PTPRM: variants seen among roughly 807,000 people sequenced by gnomAD.
PTPRM encodes the protein protein tyrosine phosphatase receptor type M, also known as receptor-type tyrosine-protein phosphatase mu.
A neutral mutation model predicts 186.7 loss-of-function variants in PTPRM; 47 were observed. The ratio of observed to expected loss-of-function variants is 0.25; its 90% confidence interval spans 0.20 to 0.32. The LOEUF (loss-of-function observed/expected upper bound fraction) is 0.32. Among genes scored for constraint, PTPRM ranks in the 10% least tolerant of loss-of-function variants. The pLI is 1.00. For missense variants in PTPRM, 1,494 were observed against 1,865.0 expected, an observed-to-expected ratio of 0.80 and a Z score of 3.66; for synonymous variants, 668 against 674.9, an observed-to-expected ratio of 0.99 and a Z score of 0.16.
At chr18:7,626,257 C>T (rs950717876) in intron 1 of PTPRM, among the ~76,000 whole-genome samples, 8 of 152,164 alleles carry the variant, frequency 5.3e-5, no homozygotes, top group African/African-American at 1.9e-4. Context: ...ATAGGAAATG[C>T]CCTTCCCTCT....
intron 1 of PTPRM, among the ~76,000 whole-genome samples, chr18:7,737,877 A>G (rs1005090537): frequency 3.3e-5 from 5 of 152,182 alleles, no homozygotes; most frequent in Non-Finnish European, 7.3e-5. Flanking sequence ...GCTCATTGGC[A>G]TATCCCAGTG....
chr18:8,090,264 G>A (rs950640134), intron 11 of PTPRM, among the ~76,000 whole-genome samples: 6 of 152,130 alleles, frequency 3.9e-5, no homozygotes, highest in Non-Finnish European at 7.4e-5. Flanking sequence ...GAAAATGTAT[G>A]CTCTGACCAT....
At chr18:8,049,129 T>C (rs1484649777) in intron 7 of PTPRM, among the ~76,000 whole-genome samples, 1 of 152,246 alleles carries the variant, frequency 6.6e-6, no homozygotes, top group Non-Finnish European at 1.5e-5. Flanking sequence ...TGCAGACTCA[T>C]ATTTGTTTCA....
At chr18:7,701,734 G>T (rs1271443362) in intron 1 of PTPRM, among the ~76,000 whole-genome samples, 1 of 152,052 alleles carries the variant, frequency 6.6e-6, no homozygotes, top group Non-Finnish European at 1.5e-5. Context: ...TATACTTTAA[G>T]TTCTAGGGTA....
At chr18:8,292,717 ATG>A (rs2095055228) in intron 19 of PTPRM, among the ~76,000 whole-genome samples, 1 of 152,246 alleles carries the variant, frequency 6.6e-6, no homozygotes, top group Non-Finnish European at 1.5e-5. Flanking sequence ...AGTGGCTCCC[ATG>A]CAATGAACAC....
chr18:8,313,484 T>C lies in PTPRM; in HGVS notation c.2843-1297T>C, dbSNP rs2095284802. On this transcript the variant is annotated intron_variant, in intron 20 of 32. Coordinates refer to ENST00000580170, the MANE Select transcript of PTPRM (RefSeq NM_001105244.2). ...AGTTATTTTGGGGGTAAATCTGCTA[T>C]GTTCCAGGCTCTAATCTAAAGGCCA... Among the ~76,000 whole-genome samples, 4 of 152,218 alleles carry C rather than the reference T, an allele frequency of 2.6e-5. No homozygotes were observed. In the South Asian group the frequency reaches 8.3e-4, roughly 31 times the overall value.
intron 7 of PTPRM, among the ~76,000 whole-genome samples, chr18:7,985,448 TA>T: frequency 7.1e-6 from 1 of 141,278 alleles, no homozygotes; most frequent in Non-Finnish European, 1.5e-5. Context: ...TATATAAATA[TA>T]TACATATACT....
At chr18:7,970,847 G>T (rs1344632693) in intron 7 of PTPRM, among the ~76,000 whole-genome samples, 3 of 98,390 alleles carry the variant, frequency 3.0e-5, no homozygotes. Context: ...ATGCTCATGG[G>T]TAGGAAGAAT....
Position 8,179,931 on chromosome 18 carries a change from A to G in PTPRM, c.2300+36152A>G, listed in dbSNP as rs112369790. ...ATTAGACAACAGTCATTTTCCTTCT[A>G]TTAGGAAGTGATGGTTTGTACTACA... On this transcript the variant is annotated intron_variant, in intron 14 of 32. Transcript: ENST00000580170. Among the ~76,000 whole-genome samples the G allele has an allele frequency of 1.3e-3, 195 of 152,252 alleles. 1 individual carries two copies. Among genetic ancestry groups the G allele is most frequent in the African/African-American group, 4.5e-3 (189 of 41,542 alleles).
chr18:7,925,219 G>C (rs1246551420), intron 4 of PTPRM, among the ~76,000 whole-genome samples: 2 of 152,134 alleles, frequency 1.3e-5, no homozygotes, highest in Non-Finnish European at 2.9e-5. Context: ...GGGGTAATTT[G>C]ATTAAGTCAG....
intron 7 of PTPRM, among the ~76,000 whole-genome samples, chr18:8,003,194 C>T (rs759926346): frequency 1.3e-5 from 2 of 152,198 alleles, no homozygotes; most frequent in Middle Eastern, 6.8e-3. Flanking sequence ...GTGGTTTCCC[C>T]CATACTGTTC....
chr18:7,739,641 C>T (rs949435973), intron 1 of PTPRM, among the ~76,000 whole-genome samples: 3 of 152,156 alleles, frequency 2.0e-5, no homozygotes, highest in African/African-American at 7.2e-5. Flanking sequence ...ATTGGATTTT[C>T]CTAGTTTGTC....
chr18:7,900,963 T>C (rs373924025), intron 3 of PTPRM, among the ~76,000 whole-genome samples: 4 of 152,356 alleles, frequency 2.6e-5, no homozygotes, highest in East Asian at 3.9e-4. Flanking sequence ...TTCATAAAAA[T>C]GAACATGGCA....
At chr18:8,125,034 C>G (rs545105294) in intron 13 of PTPRM, among the ~76,000 whole-genome samples, 1 of 152,026 alleles carries the variant, frequency 6.6e-6, no homozygotes, top group South Asian at 2.1e-4. Flanking sequence ...TTGTCTACCA[C>G]CAATGAAAAC....
chr18:8,303,562 A>T (rs2147942261), intron 20 of PTPRM, among the ~76,000 whole-genome samples: 1 of 152,344 alleles, frequency 6.6e-6, no homozygotes, highest in Middle Eastern at 3.4e-3. Context: ...GGTGGGCACG[A>T]GCAAGAGAGA....
At chr18:7,582,945 G>A (rs2036884365) in intron 1 of PTPRM, among the ~76,000 whole-genome samples, 2 of 152,186 alleles carry the variant, frequency 1.3e-5, no homozygotes, top group African/African-American at 2.4e-5. Flanking sequence ...TTTCCTCACT[G>A]TGAGAATCAC....
chr18:7,989,870 C>T (rs1439357964), intron 7 of PTPRM, among the ~76,000 whole-genome samples: 2 of 152,110 alleles, frequency 1.3e-5, no homozygotes, highest in East Asian at 1.9e-4. Flanking sequence ...TCTCTTTTCT[C>T]AGGATGATGT....
At chr18:8,346,913 A>G (rs1222591181) in intron 23 of PTPRM, among the ~76,000 whole-genome samples, 21 of 152,154 alleles carry the variant, frequency 1.4e-4, no homozygotes, top group Admixed American at 1.4e-3. Context: ...GCAAATGCCC[A>G]GCAAGGTGAA....
chr18:8,354,703 A>G (rs1284336746), intron 23 of PTPRM, among the ~76,000 whole-genome samples: 1 of 152,220 alleles, frequency 6.6e-6, no homozygotes, highest in Non-Finnish European at 1.5e-5. Flanking sequence ...TCCAAAGCCC[A>G]TGCTCTCTCC....
Sources: allele counts gnomAD v4.1 joint callset (sites outside exome capture counted in the v4.1 genomes callset), GRCh38; gene constraint gnomAD v4.1.1; transcripts MANE v1.5; gene names NCBI Gene and HGNC (gene_info 2026-07-23, HGNC 2026-07-21).